Variants in JAM3 observed in about 807,000 individuals in gnomAD.
JAM3 encodes the protein junctional adhesion molecule C.
A neutral mutation model predicts 39.4 loss-of-function variants in JAM3; 31 were observed. The ratio of observed to expected loss-of-function variants is 0.79; its 90% CI spans 0.59 to 1.06. The LOEUF is 1.06. Ranked by LOEUF, JAM3 falls within the 50% of genes least tolerant of loss-of-function variation. The pLI, the probability that JAM3 is intolerant of heterozygous loss-of-function variation, is 0.00. For missense variants in JAM3, 455 were observed against 391.4 expected, an observed-to-expected ratio of 1.16 and a Z score of -1.37; for synonymous variants, 182 against 148.7, an observed-to-expected ratio of 1.22 and a Z score of -1.63.
intron 1 of JAM3, among the ~76,000 whole-genome samples, chr11:134,139,224 C>T (rs1942928630): frequency 6.6e-6 from 1 of 152,216 alleles, no homozygotes; most frequent in African/African-American, 2.4e-5. Context: ...AATTAGTTAT[C>T]TTGCTTTCAT....
chr11:134,087,672 G>A (rs888604930), intron 1 of JAM3, among the ~76,000 whole-genome samples: 4 of 152,160 alleles, frequency 2.6e-5, no homozygotes, highest in Non-Finnish European at 5.9e-5. Context: ...TCAGTAACTG[G>A]GCTGATGATC....
intron 1 of JAM3, among the ~76,000 whole-genome samples, chr11:134,078,579 C>T (rs998533903): frequency 2.6e-5 from 4 of 152,072 alleles, no homozygotes; most frequent in African/African-American, 4.8e-5. Context: ...TGTGAGATCT[C>T]GTTGTTGGAG....
chr11:134,115,462 G>T (rs1942410174), intron 1 of JAM3, among the ~76,000 whole-genome samples: 1 of 152,006 alleles, frequency 6.6e-6, no homozygotes, highest in African/African-American at 2.4e-5. Flanking sequence ...TTTCTATTGG[G>T]TAACTTTGTT....
In JAM3 at chr11:134,122,602, T is replaced by C. The variant is rs180820255; in HGVS notation, c.77-17249T>C. ...TTATGGCCTGTGGACACATACTCAC[T>C]AGGCATCATCGCTGGTTTTAAACCA... On this transcript the variant is annotated intron_variant, in intron 1 of 8. Coordinates refer to ENST00000299106, the MANE Select transcript of JAM3 (RefSeq NM_032801.5). Among the ~76,000 whole-genome samples, 124 of 152,276 alleles carry C rather than the reference T, an allele frequency of 8.1e-4. 2 individuals carry two copies. The East Asian group carries it at 0.018, about 22-fold the overall frequency.
At chr11:134,079,136 C>T (rs1941622186) in intron 1 of JAM3, among the ~76,000 whole-genome samples, 1 of 151,970 alleles carries the variant, frequency 6.6e-6, no homozygotes, top group African/African-American at 2.4e-5. Flanking sequence ...GGGTTGTATG[C>T]CTCTCCCTAA....
intron 1 of JAM3, among the ~76,000 whole-genome samples, chr11:134,080,581 G>A (rs985542763): frequency 2.0e-5 from 3 of 152,096 alleles, no homozygotes; most frequent in Admixed American, 1.3e-4. Flanking sequence ...CTTGTCTGTC[G>A]CCATATGAGA....
intron 1 of JAM3, among the ~76,000 whole-genome samples, chr11:134,129,771 G>A (rs1271728537): frequency 1.3e-5 from 2 of 152,214 alleles, no homozygotes; most frequent in East Asian, 3.9e-4. Context: ...GGAGGCCGAG[G>A]TGGGCAGATT....
At chr11:134,131,260 G>A (rs1165385373) in intron 1 of JAM3, among the ~76,000 whole-genome samples, 2 of 151,800 alleles carry the variant, frequency 1.3e-5, no homozygotes, top group African/African-American at 2.4e-5. Context: ...GGTTGTTGTA[G>A]TGTTTGTTTA....
chr11:134,102,624 T>C (rs1248203584), intron 1 of JAM3, among the ~76,000 whole-genome samples: 1 of 152,160 alleles, frequency 6.6e-6, no homozygotes, highest in Non-Finnish European at 1.5e-5. Flanking sequence ...GAAAAAAGAT[T>C]AGACAAATGG....
In JAM3 at chr11:134,149,557, A is replaced by G. The variant is rs1399391024; in HGVS notation, c.*376A>G. 1 of 484,766 alleles carries G rather than the reference A, an allele frequency of 2.1e-6. No homozygotes were observed. Among genetic ancestry groups the G allele is most frequent in the Admixed American group, 2.3e-5 (1 of 43,278 alleles). The allele number at this position is 484,766 out of a possible 1,614,324, so 30.0% of individuals were successfully genotyped here. On this transcript the variant is annotated 3_prime_UTR_variant, in exon 9 of 9. Transcript: ENST00000299106. ...GTTCACCACTGGTCGTTCAGCAGCC[A>G]CGACAGCACCATGTGAGATGGCGAG...
chr11:134,085,157 G>A (rs148382674), intron 1 of JAM3, among the ~76,000 whole-genome samples: 1 of 152,282 alleles, frequency 6.6e-6, no homozygotes, highest in East Asian at 1.9e-4. Flanking sequence ...TGAAAAACCA[G>A]GTTATGAGTT....
intron 1 of JAM3, among the ~76,000 whole-genome samples, chr11:134,083,045 A>G (rs763195299): frequency 2.6e-5 from 4 of 152,308 alleles, no homozygotes; most frequent in Non-Finnish European, 4.4e-5. Context: ...GTCATTTTCT[A>G]TGTATATTTC....
rs372703564 is a variant in JAM3 at position 134,140,811 on chromosome 11, G to A, written c.256+41G>A. On this transcript the variant is annotated intron_variant, in intron 3 of 8. Transcript: ENST00000299106. ...CCTCTTGCCTGCTGACCTTTCCTCTGTCCATAGACCTGGGTATACACTCTT... is the reference window on the plus strand; with the variant it reads ...CCTCTTGCCTGCTGACCTTTCCTCTATCCATAGACCTGGGTATACACTCTT... The A allele has an allele frequency of 5.1e-6, 8 of 1,582,488 alleles. No homozygotes were observed. The African/African-American group carries it at 8.1e-5, about 16-fold the overall frequency.
Position 134,140,184 on chromosome 11 carries a change from G to A in JAM3, c.142+268G>A, listed in dbSNP as rs887281649. On this transcript the variant is annotated intron_variant, in intron 2 of 8. Transcript: ENST00000299106. Reference sequence around the variant, plus strand: ...TTTTTTCTTTTTGAGATGGAGTCTCGCTCCTGTTGCCCAGGCTGGAGTGTA... The same window carrying A: ...TTTTTTCTTTTTGAGATGGAGTCTCACTCCTGTTGCCCAGGCTGGAGTGTA... Among the ~76,000 whole-genome samples the A allele has an allele frequency of 7.2e-5, 11 of 152,030 alleles. No homozygotes were observed. In the East Asian group the frequency reaches 7.7e-4, roughly 11 times the overall value.
At chr11:134,079,460 T>C (rs942871190) in intron 1 of JAM3, among the ~76,000 whole-genome samples, 3 of 152,156 alleles carry the variant, frequency 2.0e-5, no homozygotes, top group Non-Finnish European at 4.4e-5. Context: ...TCTGATGTAA[T>C]GTGTGGACAA....
chr11:134,102,978 C>T (rs1473209740), intron 1 of JAM3, among the ~76,000 whole-genome samples: 3 of 152,166 alleles, frequency 2.0e-5, no homozygotes, highest in African/African-American at 7.2e-5. Flanking sequence ...CCTAGCAAGG[C>T]AGGCCAACAT....
intron 1 of JAM3, among the ~76,000 whole-genome samples, chr11:134,071,487 C>T (rs1941483264): frequency 6.6e-6 from 1 of 152,202 alleles, no homozygotes; most frequent in Admixed American, 6.5e-5. Context: ...TTTGTTGACT[C>T]ATGACAGGTG....
chr11:134,077,610 C>T (rs10750554), intron 1 of JAM3, among the ~76,000 whole-genome samples: 57,357 of 147,286 alleles, frequency 0.39, 12,141 homozygotes, highest in African/African-American at 0.57. Context: ...GTGATCCACT[C>T]GCCTCAGCCT....
At chr11:134,118,017 C>T (rs972947301) in intron 1 of JAM3, among the ~76,000 whole-genome samples, 53 of 152,232 alleles carry the variant, frequency 3.5e-4, no homozygotes, top group African/African-American at 1.2e-3. Context: ...ATTCTGATAC[C>T]AGAATCTGTA....
Sources: gnomAD v4.1 joint callset for allele counts (sites outside exome capture counted in the v4.1 genomes callset) on GRCh38, gnomAD v4.1.1 for gene constraint, MANE v1.5 for transcripts, NCBI Gene and HGNC (gene_info 2026-07-23, HGNC 2026-07-21) for gene names.